The following FBXL7 variants were observed in gnomAD, a reference collection of about 807,000 sequenced individuals.
The protein encoded by FBXL7 is F-box and leucine rich repeat protein 7.
A neutral mutation model predicts 38.3 loss-of-function variants in FBXL7; 12 were observed. The ratio of observed to expected loss-of-function variants is 0.31; its 90% CI spans 0.20 to 0.51. The LOEUF (loss-of-function observed/expected upper bound fraction) is 0.51, where lower values mean the gene tolerates loss of function less well. FBXL7 is among the 20% of genes least tolerant of loss of function. The pLI is 0.98. For missense variants in FBXL7, 567 were observed against 676.4 expected, an observed-to-expected ratio of 0.84 and a Z score of 1.79; for synonymous variants, 297 against 300.9, an observed-to-expected ratio of 0.99 and a Z score of 0.13.
intron 2 of FBXL7, among the ~76,000 whole-genome samples, chr5:15,919,390 A>G (rs887776890): frequency 2.0e-5 from 3 of 151,874 alleles, no homozygotes; most frequent in African/African-American, 7.3e-5. Flanking sequence ...TAACGATATA[A>G]AATTTCCAAG....
At chr5:15,788,977 A>AGTATCTG (rs1257994486) in intron 2 of FBXL7, among the ~76,000 whole-genome samples, 1 of 151,356 alleles carries the variant, frequency 6.6e-6, no homozygotes, top group African/African-American at 2.4e-5. Flanking sequence ...CAGCCTCCAG[A>AGTATCTG]GTATCTGGGA....
intron 1 of FBXL7, among the ~76,000 whole-genome samples, chr5:15,541,064 G>A (rs138308830): frequency 8.2e-4 from 125 of 151,920 alleles, no homozygotes; most frequent in Non-Finnish European, 1.4e-3. Context: ...GTGTGTGTGT[G>A]TGTGTGCATA....
chr5:15,914,283 G>A (rs896074828), intron 2 of FBXL7, among the ~76,000 whole-genome samples: 21 of 151,854 alleles, frequency 1.4e-4, no homozygotes, highest in Non-Finnish European at 2.4e-4. Context: ...CTACTCATGA[G>A]GCTGAGGCAG....
intron 1 of FBXL7, among the ~76,000 whole-genome samples, chr5:15,540,362 A>G (rs1370914022): frequency 6.6e-6 from 1 of 152,154 alleles, no homozygotes; most frequent in African/African-American, 2.4e-5. Flanking sequence ...TTCTTCTAAG[A>G]CAAAGTCCAC....
At chr5:15,629,919 T>A (rs924532981) in intron 2 of FBXL7, among the ~76,000 whole-genome samples, 23 of 152,204 alleles carry the variant, frequency 1.5e-4, no homozygotes, top group African/African-American at 1.7e-4. Flanking sequence ...TTACTTTTTT[T>A]AAAAAAAGCT....
chr5:15,813,610 A>G (rs992376584), intron 2 of FBXL7, among the ~76,000 whole-genome samples: 2 of 152,194 alleles, frequency 1.3e-5, no homozygotes, highest in Non-Finnish European at 2.9e-5. Context: ...TCTGCACAGC[A>G]AAAGAAACTA....
intron 2 of FBXL7, among the ~76,000 whole-genome samples, chr5:15,681,539 T>C (rs901361415): frequency 6.6e-6 from 1 of 152,144 alleles, no homozygotes; most frequent in Non-Finnish European, 1.5e-5. Context: ...ACTAGAATGG[T>C]TTATATAAAC....
chr5:15,897,650 G>A (rs1734327392), intron 2 of FBXL7, among the ~76,000 whole-genome samples: 2 of 152,194 alleles, frequency 1.3e-5, no homozygotes, highest in Non-Finnish European at 2.9e-5. Context: ...AAGGGTGGGA[G>A]AGTTTAGGCT....
chr5:15,692,173 CTG>C (rs1743203777), intron 2 of FBXL7, among the ~76,000 whole-genome samples: 1 of 152,148 alleles, frequency 6.6e-6, no homozygotes, highest in Non-Finnish European at 1.5e-5. Flanking sequence ...ATCCTACCAG[CTG>C]TTGAATCCCT....
At chr5:15,800,154 G>A (rs1438162691) in intron 2 of FBXL7, among the ~76,000 whole-genome samples, 1 of 152,136 alleles carries the variant, frequency 6.6e-6, no homozygotes, top group African/African-American at 2.4e-5. Context: ...TGTGATGTAG[G>A]CATCATCATG....
intron 2 of FBXL7, among the ~76,000 whole-genome samples, chr5:15,662,931 G>A (rs528750624): frequency 3.3e-5 from 5 of 152,066 alleles, no homozygotes; most frequent in Non-Finnish European, 5.9e-5. Flanking sequence ...AGTCAGTAAC[G>A]TTATGCCTCT....
At chr5:15,764,847 A>C (rs542972604) in intron 2 of FBXL7, among the ~76,000 whole-genome samples, 25 of 152,256 alleles carry the variant, frequency 1.6e-4, no homozygotes, top group Non-Finnish European at 2.1e-4. Flanking sequence ...TCTAGAGCAG[A>C]AGTTTACAAG....
chr5:15,682,931 C>A (rs1165892202), intron 2 of FBXL7, among the ~76,000 whole-genome samples: 1 of 152,154 alleles, frequency 6.6e-6, no homozygotes, highest in Non-Finnish European at 1.5e-5. Context: ...CATGCAATCA[C>A]CTGTTCTCAT....
At chr5:15,534,509 A>G (rs921308900) in intron 1 of FBXL7, among the ~76,000 whole-genome samples, 5 of 152,064 alleles carry the variant, frequency 3.3e-5, no homozygotes, top group South Asian at 2.1e-4. Flanking sequence ...ATTTCTTTTT[A>G]GATTTGAATA....
At chr5:15,616,191 A>G in intron 2 of FBXL7, 119 bp downstream of exon 2, 3 of 584,084 alleles carry the variant, frequency 5.1e-6, no homozygotes, top group Non-Finnish European at 8.8e-6. Context: ...ATGAGATCTT[A>G]AAAATGAGGA....
chr5:15,674,904 C>A (rs568816284), intron 2 of FBXL7, among the ~76,000 whole-genome samples: 1 of 152,280 alleles, frequency 6.6e-6, no homozygotes, highest in South Asian at 2.1e-4. Flanking sequence ...CATTAAGATT[C>A]CAGGACTGAC....
intron 1 of FBXL7, among the ~76,000 whole-genome samples, chr5:15,567,911 A>G (rs568543592): frequency 2.0e-4 from 30 of 152,228 alleles, no homozygotes; most frequent in African/African-American, 7.0e-4. Context: ...CCATGTCCCT[A>G]CAAAAGACAT....
At chr5:15,890,138 C>T (rs989367186) in intron 2 of FBXL7, among the ~76,000 whole-genome samples, 5 of 152,176 alleles carry the variant, frequency 3.3e-5, no homozygotes, top group Admixed American at 6.5e-5. Flanking sequence ...AGACCACTAC[C>T]GGTCTGTGGC....
intron 2 of FBXL7, among the ~76,000 whole-genome samples, chr5:15,851,568 G>A (rs1305427299): frequency 2.0e-5 from 3 of 152,084 alleles, no homozygotes. Context: ...CGTGAGTGGG[G>A]GTTGTAGTCA....
Sources: allele counts gnomAD v4.1 joint callset (sites outside exome capture counted in the v4.1 genomes callset), GRCh38; gene constraint gnomAD v4.1.1; transcripts MANE v1.5; gene names NCBI Gene and HGNC (gene_info 2026-07-23, HGNC 2026-07-21).